SLC22A6: variants seen among roughly 807,000 people sequenced by gnomAD.
SLC22A6 encodes solute carrier family 22 member 6.
SLC22A6 carries 45 observed loss-of-function variants against 56.7 expected under a neutral mutation model. The observed-to-expected ratio is 0.79, with a 90% CI of 0.63 to 1.02. The LOEUF (loss-of-function observed/expected upper bound fraction) is 1.02. Ranked by LOEUF, SLC22A6 falls within the 50% of genes least tolerant of loss-of-function variation. The probability of loss-of-function intolerance (pLI) is 0.00; values close to 1 mark genes in which losing one functional copy is unlikely to be tolerated. For missense variants in SLC22A6, 606 were observed against 713.8 expected, an observed-to-expected ratio of 0.85 and a Z score of 1.72; for synonymous variants, 291 against 295.9, an observed-to-expected ratio of 0.98 and a Z score of 0.17.
Position 62,981,888 on chromosome 11 carries a change from G to T in SLC22A6, c.751C>A (p.Gln251Lys). 1 of 1,613,922 alleles carries T rather than the reference G, an allele frequency of 6.2e-7. No individual in the cohort carries two copies. Among genetic ancestry groups the T allele is most frequent in the African/African-American group, 1.3e-5 (1 of 75,072 alleles). Residue 251 changes from glutamine (Q) to lysine (K), a missense_variant, in exon 4 of 10, where the codon CAG becomes AAG. Gln to Lys is a moderately conservative substitution (Grantham distance 53). Coordinates refer to ENST00000360421, the MANE Select transcript of SLC22A6 (RefSeq NM_153276.3). ...AYAVPHWRHL[Q>K]LLVSAPFFAF... The stretch of plus-strand genomic sequence containing the variant: ...AAAAAAGGCGCAGAGACCAGTAGCT[G>T]CAGGTGGCGCCAGTGGGGCACAGCG...
intron 8 of SLC22A6, among the ~76,000 whole-genome samples, chr11:62,978,309 GTTTAT>G (rs57569773): frequency 0.082 from 10,903 of 133,218 alleles, 774 homozygotes; most frequent in African/African-American, 0.19. Flanking sequence ...TCCCATTCTT[GTTTAT>G]TTTATTTTAT....
In SLC22A6 at chr11:62,984,044, C is replaced by T; in HGVS notation, c.373G>A (p.Asp125Asn). ...AGGGCCCTGTGAGAGCACACAAGGT[C>T]CCACTGTGGGGAGAGGAGCAAGGGT... ...TFPSTIVTEW[D>N]LVCSHRALRQ... The change falls in exon 2 of 10, where the codon GAC becomes AAC. Residue 125 changes from aspartate to asparagine, a missense_variant. By Grantham distance (23) the Asp-to-Asn change is conservative (BLOSUM62 1). Coordinates refer to ENST00000360421, the MANE Select transcript of SLC22A6 (RefSeq NM_153276.3). 1.2e-6 allele frequency: 2 copies of T among 1,608,648 alleles called. No homozygotes were observed. The highest frequency in any genetic ancestry group is 1.7e-6 in the Non-Finnish European group (2 of 1,175,740).
chr11:62,980,497 G>C (rs887088507), intron 6 of SLC22A6, among the ~76,000 whole-genome samples: 7 of 152,354 alleles, frequency 4.6e-5, no homozygotes, highest in African/African-American at 7.2e-5. Flanking sequence ...TAACTGTCAT[G>C]GGATTGCTAT....
chr11:62,983,562 G>A lies in SLC22A6; in HGVS notation c.603C>T (p.Gly201=). The change falls in exon 3 of 10, where the codon GGC becomes GGT. Residue 201 remains glycine (G), a synonymous_variant. Transcript: ENST00000360421. The surrounding 1 kb of genome is among the most constrained non-coding windows in gnomAD (Gnocchi z 4.5). ...FRLLSGMALA[G]ISLNCMTLNV... is the part of the protein sequence containing the mutation. ...TCAGTGTCATGCAGTTGAGGGAGAT[G>A]CCAGCCAGAGCCATGCCCGAGAGGA... 1.3e-6 allele frequency: 2 copies of A among 1,567,100 alleles called. No homozygotes were observed. The highest frequency in any genetic ancestry group is 1.2e-5 in the South Asian group (1 of 85,298).
Position 62,977,359 on chromosome 11 carries a change from T to C in SLC22A6, c.1390A>G (p.Met464Val). Residue 464 changes from methionine (M) to valine (V), a missense_variant, in exon 9 of 10, where the codon ATG (methionine) becomes GTG (valine). Physicochemically the swap from Met to Val is conservative, Grantham distance 21 (BLOSUM62 1). Coordinates refer to ENST00000360421, the MANE Select transcript of SLC22A6 (RefSeq NM_153276.3). ...CTCACGATGCTGCCCACTCGGGCCA[T>C]GGTGCTGCCCATTCCCATGCCTGTC... ...RQTGMGMGST[M>V]ARVGSIVSPL... The C allele has an allele frequency of 6.2e-7, 1 of 1,611,966 alleles. No individual in the cohort carries two copies. The highest frequency in any genetic ancestry group is 8.5e-7 in the Non-Finnish European group (1 of 1,179,866).
At position 62,984,912 on chromosome 11, in the gene SLC22A6, C is replaced by T; in HGVS notation, c.-222G>A. The T allele has an allele frequency of 1.8e-6, 1 of 564,740 alleles. No individual in the cohort carries two copies. The highest frequency in any genetic ancestry group is 3.1e-6 in the Non-Finnish European group (1 of 318,546). The allele number at this position is 564,740 out of a possible 1,614,324, so 35.0% of individuals were successfully genotyped here. On this transcript the variant is annotated 5_prime_UTR_variant, in exon 1 of 10. Coordinates refer to ENST00000360421, the MANE Select transcript of SLC22A6 (RefSeq NM_153276.3). Reference sequence around the variant, plus strand: ...CTCCCTGATCTGTCCCTCCCTTTTCCCTTGCAGCTTCTCCTCACTTTGGGG... The same window carrying T: ...CTCCCTGATCTGTCCCTCCCTTTTCTCTTGCAGCTTCTCCTCACTTTGGGG...
rs955247182 is a variant in SLC22A6, at chr11:62,983,303, G to C, written c.628+234C>G. Reference sequence around the variant, plus strand: ...TCGTGATCTGCCCGCCTCGGCCTCCGAAAGTGCTGGGATTACAGGTGTGAG... The same window carrying C: ...TCGTGATCTGCCCGCCTCGGCCTCCCAAAGTGCTGGGATTACAGGTGTGAG... On this transcript the variant is annotated intron_variant, in intron 3 of 9. Transcript: ENST00000360421. This position sits in a 1 kb window ranked among gnomAD's most constrained non-coding sequence, Gnocchi z 4.5. Among the ~76,000 whole-genome samples the C allele has an allele frequency of 6.6e-6, 1 of 152,092 alleles. No individual in the cohort carries two copies. The highest frequency in any genetic ancestry group is 1.5e-5 in the Non-Finnish European group (1 of 68,010).
intron 6 of SLC22A6, 32 bp from the exon 7 acceptor site, chr11:62,979,980 G>T (rs1464696072): frequency 1.3e-6 from 2 of 1,535,054 alleles, no homozygotes; most frequent in Admixed American, 1.7e-5. Context: ...TATGGAGTTT[G>T]TTAGGAAGGC....
Position 62,984,525 on chromosome 11 carries a change from T to A in SLC22A6, c.166A>T (p.Asn56Tyr), listed in dbSNP as rs1178645936. Residue 56 changes from asparagine (N) to tyrosine (Y), a missense_variant, in exon 1 of 10, where the codon AAC becomes TAC. Transcript: ENST00000360421. ...THHCRPPADA[N>Y]LSKNGGLEVW... is the part of the protein sequence containing the mutation. The stretch of plus-strand genomic sequence containing the variant: ...TCCAGCCCCCCGTTCTTGCTGAGGT[T>A]GGCATCGGCAGGCGGGCGGCAGTGG... 1 of 1,613,990 alleles carries A rather than the reference T, an allele frequency of 6.2e-7. No individual in the cohort carries two copies. The highest frequency in any genetic ancestry group is 8.5e-7 in the Non-Finnish European group (1 of 1,179,942).
chr11:62,977,472 A>G, intron 8 of SLC22A6, 85 bp from the exon 9 acceptor site: 1 of 1,467,510 alleles, frequency 6.8e-7, no homozygotes, highest in Non-Finnish European at 9.1e-7. Context: ...GTGGCAGCTC[A>G]GGCTCAGCCC....
At position 62,981,895 on chromosome 11, in the gene SLC22A6, G is replaced by A; in HGVS notation, c.744C>T (p.Arg248=). ...AGVAYAVPHW[R]HLQLLVSAPF... ...GCGCAGAGACCAGTAGCTGCAGGTGGCGCCAGTGGGGCACAGCGTAGGCCA... is the reference window on the plus strand; with the variant it reads ...GCGCAGAGACCAGTAGCTGCAGGTGACGCCAGTGGGGCACAGCGTAGGCCA... Residue 248 remains arginine (R), a synonymous_variant, in exon 4 of 10, where the codon CGC becomes CGT. Transcript: ENST00000360421. 6.2e-7 allele frequency: 1 copy of A among 1,614,008 alleles called. No homozygotes were observed. The highest frequency in any genetic ancestry group is 8.5e-7 in the Non-Finnish European group (1 of 1,179,960).
intron 3 of SLC22A6, 84 bp from the exon 4 acceptor site, chr11:62,982,094 C>T (rs1324486825): frequency 2.2e-6 from 3 of 1,391,320 alleles, no homozygotes; most frequent in Non-Finnish European, 2.9e-6. Flanking sequence ...AAACCTTGGC[C>T]TGTCCCAAGG....
intron 8 of SLC22A6, 142 bp from the exon 9 acceptor site, chr11:62,977,529 C>T: frequency 9.8e-7 from 1 of 1,019,952 alleles, no homozygotes; most frequent in South Asian, 1.7e-5. Flanking sequence ...GATTAGCAAA[C>T]CAATTTGGCG....
chr11:62,978,590 CTT>C (rs1230405831), intron 8 of SLC22A6, among the ~76,000 whole-genome samples: 5,847 of 102,422 alleles, frequency 0.057, 474 homozygotes, highest in African/African-American at 0.21. Context: ...GTCTTGATCT[CTT>C]TTTTTTTTTT....
chr11:62,978,811 C>T (rs1590673393), intron 8 of SLC22A6, among the ~76,000 whole-genome samples: 2 of 152,032 alleles, frequency 1.3e-5, no homozygotes, highest in Admixed American at 6.6e-5. Flanking sequence ...AGGATGGTCT[C>T]GATCTCCTGA....
At position 62,983,495 on chromosome 11, in the gene SLC22A6, G is replaced by A. The variant is rs1489144434; in HGVS notation, c.628+42C>T. On this transcript the variant is annotated intron_variant, in intron 3 of 9. Transcript: ENST00000360421. This position sits in a 1 kb window ranked among gnomAD's most constrained non-coding sequence, Gnocchi z 4.5. ...GGGGAGGCTGGAAAGGGGTTGCTGG[G>A]CTGGGTGGCCGGAGGGGAGTGGGCT... is the stretch of plus-strand genomic sequence containing the variant. 6.5e-7 allele frequency: 1 copy of A among 1,548,636 alleles called. No individual in the cohort carries two copies. The highest frequency in any genetic ancestry group is 8.7e-7 in the Non-Finnish European group (1 of 1,146,298).
chr11:62,978,011 A>T (rs1437478741), intron 8 of SLC22A6, among the ~76,000 whole-genome samples: 1 of 152,218 alleles, frequency 6.6e-6, no homozygotes, highest in East Asian at 1.9e-4. Context: ...ATGATCTTGG[A>T]GAAGTCACTT....
rs1311859491 is a variant in SLC22A6 at position 62,977,303 on chromosome 11, G to C, written c.1446C>G (p.Tyr482Ter). The change falls in exon 9 of 10, where the codon TAC (tyrosine) becomes TAG (stop). Residue 482 changes from tyrosine to a stop codon, truncating the protein, a stop_gained. Coordinates refer to ENST00000360421, the MANE Select transcript of SLC22A6 (RefSeq NM_153276.3). LOFTEE classifies it high-confidence loss of function. Reference protein sequence around the residue: ...SPLVSMTAELYPSMPLFIYGA... With the variant: ...SPLVSMTAEL Reference sequence around the variant, plus strand: ...CGTAGATGAAGAGAGGCATGGAGGGGTAGAGCTCGGCAGTCATGCTCACCA... The same window carrying C: ...CGTAGATGAAGAGAGGCATGGAGGGCTAGAGCTCGGCAGTCATGCTCACCA... 9 of 1,613,886 alleles carry C rather than the reference G, an allele frequency of 5.6e-6. No homozygotes were observed. Among genetic ancestry groups the C allele is most frequent in the Non-Finnish European group, 7.6e-6 (9 of 1,180,052 alleles).
intron 8 of SLC22A6, among the ~76,000 whole-genome samples, chr11:62,978,879 C>A (rs141468517): frequency 6.6e-6 from 1 of 152,078 alleles, no homozygotes; most frequent in Admixed American, 6.5e-5. Flanking sequence ...CGTGAGCCAC[C>A]GTGCCCGGCC....
Sources: gnomAD v4.1 joint callset for allele counts (sites outside exome capture counted in the v4.1 genomes callset) on GRCh38, gnomAD v4.1.1 for gene constraint, Gnocchi (gnomAD v3.1) non-coding constraint, MANE v1.5 for transcripts, NCBI Gene and HGNC (gene_info 2026-07-23, HGNC 2026-07-21) for gene names.